SH3GL3: variants seen among roughly 807,000 people sequenced by gnomAD.
SH3GL3 encodes the protein endophilin-A3.
Under a neutral mutation model 47.7 loss-of-function variants are expected in SH3GL3, and 33 were observed. The ratio of observed to expected loss-of-function variants is 0.69; its 90% confidence interval spans 0.52 to 0.92. SH3GL3 has a LOEUF of 0.92. Ranked by LOEUF, SH3GL3 falls within the 40% of genes least tolerant of loss-of-function variation. SH3GL3 has a pLI of 0.00. For synonymous variants in SH3GL3, 155 were observed against 148.8 expected (o/e 1.04, Z -0.30); for missense variants, 363 against 417.8 (o/e 0.87, Z 1.14).
the SH3GL3 span, among the ~76,000 whole-genome samples, chr15:83,633,264 G>A: frequency 3.3e-5 from 5 of 152,218 alleles, no homozygotes; most frequent in African/African-American, 1.2e-4. Context: ...GGATTAGGAT[G>A]CTAAGCGATT....
intron 1 of SH3GL3, among the ~76,000 whole-genome samples, chr15:83,463,258 T>G (rs2040393856): frequency 6.6e-6 from 1 of 152,228 alleles, no homozygotes; most frequent in African/African-American, 2.4e-5. Flanking sequence ...TTTAGAACTG[T>G]AGCAATTCAG....
intron 1 of SH3GL3, among the ~76,000 whole-genome samples, chr15:83,499,595 A>G (rs2042217230): frequency 6.6e-6 from 1 of 152,222 alleles, no homozygotes; most frequent in Non-Finnish European, 1.5e-5. Context: ...AAAGAAACAA[A>G]TGTCATTCAC....
intron 1 of SH3GL3, among the ~76,000 whole-genome samples, chr15:83,551,854 A>G (rs1186083987): frequency 1.3e-5 from 2 of 152,290 alleles, no homozygotes; most frequent in East Asian, 3.9e-4. Context: ...ATGTAATCCA[A>G]TTGTGTAGAT....
chr15:83,568,788 T>TATGG, intron 4 of SH3GL3, 116 bp downstream of exon 4: 1 of 669,126 alleles, frequency 1.5e-6, no homozygotes, highest in Non-Finnish European at 2.5e-6. Context: ...ACCAAAGTAA[T>TATGG]ACATGTTAAT....
intron 1 of SH3GL3, among the ~76,000 whole-genome samples, chr15:83,481,262 G>A (rs1187535924): frequency 7.7e-6 from 1 of 129,560 alleles, no homozygotes. Flanking sequence ...GGGATAGAGA[G>A]ACATTCTGTC....
At chr15:83,511,274 G>T (rs572702337) in intron 1 of SH3GL3, among the ~76,000 whole-genome samples, 40 of 152,264 alleles carry the variant, frequency 2.6e-4, no homozygotes, top group Non-Finnish European at 5.0e-4. Flanking sequence ...CAAGTGACCT[G>T]CAGGACTACA....
At chr15:83,505,107 A>G (rs10906975) in intron 1 of SH3GL3, among the ~76,000 whole-genome samples, 122,569 of 152,040 alleles carry the variant, frequency 0.81, 49,426 homozygotes, top group Admixed American at 0.83. Flanking sequence ...CACCACTTAC[A>G]TACGTATCTG....
chr15:83,587,061 G>T lies in SH3GL3; in HGVS notation c.703G>T (p.Glu235Ter). Reference sequence around the variant, plus strand: ...CAGACAGTCCACAGAGATTCTGCAGGAGCTGCAGAGCAAGCTACAGATGCG... The same window carrying T: ...CAGACAGTCCACAGAGATTCTGCAGTAGCTGCAGAGCAAGCTACAGATGCG... ...YHRQSTEILQ[E>*]LQSKLQMRIS... The change falls in exon 7 of 9, where the codon GAG becomes TAG. Residue 235 changes from glutamate to a stop codon, truncating the protein, a stop_gained. Coordinates refer to ENST00000427482, the MANE Select transcript of SH3GL3 (RefSeq NM_003027.5). LOFTEE classifies it high-confidence loss of function. 1 of 1,604,236 alleles carries T rather than the reference G, an allele frequency of 6.2e-7. No homozygotes were observed.
chr15:83,613,195 A>G (rs552089810), intron 8 of SH3GL3, among the ~76,000 whole-genome samples: 120 of 152,260 alleles, frequency 7.9e-4, no homozygotes, highest in Non-Finnish European at 1.6e-3. Context: ...GCAAGTGCCA[A>G]TTGCTCTTAG....
intron 1 of SH3GL3, among the ~76,000 whole-genome samples, chr15:83,509,390 C>T (rs2042651773): frequency 6.6e-6 from 1 of 152,202 alleles, no homozygotes; most frequent in Non-Finnish European, 1.5e-5. Context: ...GTGTTTGCTT[C>T]TAAATGGTTG....
intron 8 of SH3GL3, chr15:83,611,281 T>A (rs558975933): frequency 6.6e-6 from 1 of 152,140 alleles, no homozygotes; most frequent in East Asian, 1.9e-4. Flanking sequence ...TTTTTCCTAA[T>A]GGTGTGGAAC....
In SH3GL3 at chr15:83,576,716, G is replaced by T. The variant is rs777646810; in HGVS notation, c.599G>T (p.Ser200Ile). Reference protein sequence around the residue: ...FEESKELAERSMFNFLENDVE... With the variant: ...FEESKELAERIMFNFLENDVE... ...GAGTCAAAGGAGTTGGCTGAAAGAA[G>T]CATGTTTAACTTTTTAGAAAATGAT... Residue 200 changes from serine (S) to isoleucine (I), a missense_variant, in exon 6 of 9, where the codon AGC (serine) becomes ATC (isoleucine). Coordinates refer to ENST00000427482, the MANE Select transcript of SH3GL3 (RefSeq NM_003027.5). 13 of 1,608,524 alleles carry T rather than the reference G, an allele frequency of 8.1e-6. No individual in the cohort carries two copies. Among genetic ancestry groups the T allele is most frequent in the Middle Eastern group, 1.7e-4 (1 of 6,022 alleles).
chr15:83,583,547 A>G (rs2059887560), intron 6 of SH3GL3, among the ~76,000 whole-genome samples: 1 of 152,078 alleles, frequency 6.6e-6, no homozygotes, highest in South Asian at 2.1e-4. Flanking sequence ...ACTCCTAGAA[A>G]CTTCTAGTAT....
chr15:83,575,477 G>A (rs563389584), intron 5 of SH3GL3, among the ~76,000 whole-genome samples: 1 of 152,324 alleles, frequency 6.6e-6, no homozygotes, highest in South Asian at 2.1e-4. Flanking sequence ...CTTAAATTAT[G>A]TGGATGATGG....
intron 8 of SH3GL3, among the ~76,000 whole-genome samples, chr15:83,602,216 C>T (rs2060403842): frequency 6.6e-6 from 1 of 152,134 alleles, no homozygotes; most frequent in Admixed American, 6.5e-5. Context: ...ACACACATTC[C>T]AGGGATGAGC....
chr15:83,559,397 G>T (rs1190434956), intron 2 of SH3GL3, 76 bp downstream of exon 2: 4 of 830,288 alleles, frequency 4.8e-6, no homozygotes, highest in Non-Finnish European at 8.4e-6. Context: ...TATTGTAAAG[G>T]ATATTCGAGT....
At chr15:83,497,396 C>T (rs913548656) in intron 1 of SH3GL3, among the ~76,000 whole-genome samples, 4 of 152,180 alleles carry the variant, frequency 2.6e-5, no homozygotes, top group African/African-American at 9.7e-5. Context: ...CTTCCACGCC[C>T]CCCTTCTCGC....
downstream of SH3GL3, among the ~76,000 whole-genome samples, chr15:83,620,728 G>A (rs535568083): frequency 1.6e-4 from 24 of 152,326 alleles, no homozygotes; most frequent in African/African-American, 4.8e-4. Context: ...TGGTCAGTGC[G>A]CATTGGCTTC....
intron 1 of SH3GL3, among the ~76,000 whole-genome samples, chr15:83,462,159 T>TGTG (rs1457185000): frequency 3.3e-5 from 5 of 152,216 alleles, no homozygotes; most frequent in Non-Finnish European, 7.3e-5. Context: ...GTGCCTGATA[T>TGTG]GTGGGCCACA....
Sources: gnomAD v4.1 joint callset for allele counts (sites outside exome capture counted in the v4.1 genomes callset) on GRCh38, gnomAD v4.1.1 for gene constraint, MANE v1.5 for transcripts, NCBI Gene and HGNC (gene_info 2026-07-23, HGNC 2026-07-21) for gene names.